CTLA4: variants seen among roughly 807,000 people sequenced by gnomAD.
The protein encoded by CTLA4 is cytotoxic T-lymphocyte protein 4.
A neutral mutation model predicts 20.4 loss-of-function variants in CTLA4; 3 were observed. The observed-to-expected ratio is 0.15, with a 90% CI of 0.07 to 0.38. The LOEUF is 0.38. CTLA4 is among the 10% of genes least tolerant of loss of function. CTLA4 has a pLI of 1.00. For missense variants in CTLA4, 184 were observed against 276.8 expected, an observed-to-expected ratio of 0.66 and a Z score of 2.38; for synonymous variants, 100 against 105.2, an observed-to-expected ratio of 0.95 and a Z score of 0.30.
At position 203,870,970 on chromosome 2, in the gene CTLA4, CA is replaced by C. The variant is rs1559591899; in HGVS notation, c.457+38del. The C allele has an allele frequency of 6.6e-7, 1 of 1,523,402 alleles. No individual in the cohort carries two copies. Among genetic ancestry groups the C allele is most frequent in the South Asian group, 1.2e-5 (1 of 86,620 alleles). 94.4% of individuals were successfully genotyped at this position (1,523,402 alleles called of 1,614,324 possible). A position where few individuals can be genotyped will look rare whatever the true frequency, so the allele number is the denominator to read the frequency against. On this transcript the variant is annotated intron_variant, in intron 2 of 3. Transcript: ENST00000648405. This position sits in a 1 kb window ranked among gnomAD's most constrained non-coding sequence, Gnocchi z 5.3. ...CATTTCACTGAGTTGACACCTGTTGCATTGCAGTCTTCTATGCACAAAAACA... is the reference window on the plus strand; with the variant it reads ...CATTTCACTGAGTTGACACCTGTTGCTTGCAGTCTTCTATGCACAAAAACA...
chr2:203,870,023 A>G lies in CTLA4; in HGVS notation c.110-563A>G, dbSNP rs188823513. Among the ~76,000 whole-genome samples the G allele has an allele frequency of 1.3e-5, 2 of 152,312 alleles. No homozygotes were observed. The highest frequency in any genetic ancestry group is 2.1e-4 in the South Asian group (1 of 4,820). On this transcript the variant is annotated intron_variant, in intron 1 of 3. Coordinates refer to ENST00000648405, the MANE Select transcript of CTLA4 (RefSeq NM_005214.5). This position sits in a 1 kb window ranked among gnomAD's most constrained non-coding sequence, Gnocchi z 5.3. ...AGGCGGAGGCTGGTACAGTGCATCAAGACACAGCTACTCCTGGGTGACAGA... is the reference window on the plus strand; with the variant it reads ...AGGCGGAGGCTGGTACAGTGCATCAGGACACAGCTACTCCTGGGTGACAGA...
Position 203,870,002 on chromosome 2 carries a change from G to A in CTLA4, c.110-584G>A, listed in dbSNP as rs1033038148. 1.3e-5 allele frequency among the ~76,000 whole-genome samples: 2 copies of A among 152,140 alleles called. No individual in the cohort carries two copies. The highest frequency in any genetic ancestry group is 2.1e-4 in the South Asian group (1 of 4,826). On this transcript the variant is annotated intron_variant, in intron 1 of 3. Coordinates refer to ENST00000648405, the MANE Select transcript of CTLA4 (RefSeq NM_005214.5). This position sits in a 1 kb window ranked among gnomAD's most constrained non-coding sequence, Gnocchi z 5.3. Reference sequence around the variant, plus strand: ...ACTCTACAACAATGCCAGGGAAGGCGGAGGCTGGTACAGTGCATCAAGACA... The same window carrying A: ...ACTCTACAACAATGCCAGGGAAGGCAGAGGCTGGTACAGTGCATCAAGACA...
chr2:203,872,204 C>T (rs1688745405), intron 3 of CTLA4, among the ~76,000 whole-genome samples: 1 of 152,170 alleles, frequency 6.6e-6, no homozygotes, highest in Non-Finnish European at 1.5e-5. Context: ...TTCTCTTCCT[C>T]TTCCTTCTTC....
At position 203,870,930 on chromosome 2, in the gene CTLA4, A is replaced by C; in HGVS notation, c.454A>C (p.Ile152Leu). Residue 152 changes from isoleucine to leucine, a missense_variant, in exon 2 of 4, where the codon ATT becomes CTT. Ile to Leu is a conservative substitution (Grantham distance 5, BLOSUM62 2). Around this residue, in one of 3 missense-constraint regions of CTLA4, gnomAD observed 147 missense variants for 223.4 expected, o/e 0.66. Transcript: ENST00000648405. This position sits in a 1 kb window ranked among gnomAD's most constrained non-coding sequence, Gnocchi z 5.3. ...GIGNGTQIYV[I>L]DPEPCPDSDF... is the part of the protein sequence containing the mutation. Reference sequence around the variant, plus strand: ...AGGCAACGGAACCCAGATTTATGTAATTGGTGAGCAAAGCCATTTCACTGA... The same window carrying C: ...AGGCAACGGAACCCAGATTTATGTACTTGGTGAGCAAAGCCATTTCACTGA... 6.2e-7 allele frequency: 1 copy of C among 1,611,228 alleles called. No homozygotes were observed. Among genetic ancestry groups the C allele is most frequent in the Non-Finnish European group, 8.5e-7 (1 of 1,177,746 alleles).
intron 1 of CTLA4, among the ~76,000 whole-genome samples, chr2:203,868,800 AC>A (rs1425796282): frequency 6.6e-6 from 1 of 152,200 alleles, no homozygotes; most frequent in African/African-American, 2.4e-5. Context: ...CAGGTTTGTT[AC>A]ACGGCTTAAA....
In CTLA4 at chr2:203,870,492, C is replaced by T. The variant is rs1287382764; in HGVS notation, c.110-94C>T. 23 of 1,366,322 alleles carry T rather than the reference C, an allele frequency of 1.7e-5. No individual in the cohort carries two copies. The highest frequency in any genetic ancestry group is 4.8e-5 in the East Asian group (2 of 41,952). The allele number at this position is 1,366,322 out of a possible 1,614,324, so 84.6% of individuals were successfully genotyped here. A position where few individuals can be genotyped will look rare whatever the true frequency, so the allele number is the denominator to read the frequency against. ...ATTCGTTGAAGGGGGGAGAAAAGGC[C>T]GTGGGGATGAAGCTAGAAGGCAGAA... On this transcript the variant is annotated intron_variant, in intron 1 of 3. Coordinates refer to ENST00000648405, the MANE Select transcript of CTLA4 (RefSeq NM_005214.5). This position sits in a 1 kb window ranked among gnomAD's most constrained non-coding sequence, Gnocchi z 5.3.
intron 3 of CTLA4, 140 bp downstream of exon 3, chr2:203,871,627 G>A (rs55806747): frequency 1.3e-4 from 90 of 690,298 alleles, no homozygotes; most frequent in East Asian, 8.6e-4. Context: ...GGTAAAGAAC[G>A]CACTAGAACC....
At chr2:203,869,885 C>T (rs1043947253) in intron 1 of CTLA4, among the ~76,000 whole-genome samples, 9 of 152,100 alleles carry the variant, frequency 5.9e-5, no homozygotes, top group Non-Finnish European at 1.0e-4. Flanking sequence ...AGGGGAAGCC[C>T]ACAGGAGTTA....
intron 1 of CTLA4, among the ~76,000 whole-genome samples, chr2:203,869,180 T>C (rs1183023853): frequency 6.6e-6 from 1 of 152,198 alleles, no homozygotes; most frequent in Admixed American, 6.5e-5. Context: ...TATTGAGTGC[T>C]CACTTGGGTG....
At position 203,867,894 on chromosome 2, in the gene CTLA4, A is replaced by G; in HGVS notation, c.-49A>G. 2 of 1,372,180 alleles carry G rather than the reference A, an allele frequency of 1.5e-6. No individual in the cohort carries two copies. The highest frequency in any genetic ancestry group is 2.1e-6 in the Non-Finnish European group (2 of 964,340). 85.0% of individuals were successfully genotyped at this position (1,372,180 alleles called of 1,614,324 possible). ...ACATTTCAAAGCTTCAGGATCCTGA[A>G]AGGTTTTGCTCTACTTCCTGAAGAC... On this transcript the variant is annotated 5_prime_UTR_variant, in exon 1 of 4. Coordinates refer to ENST00000648405, the MANE Select transcript of CTLA4 (RefSeq NM_005214.5).
At chr2:203,872,623 C>A in intron 3 of CTLA4, 85 bp from the exon 4 acceptor site, 1 of 762,636 alleles carries the variant, frequency 1.3e-6, no homozygotes. Context: ...CAGCTAGGGA[C>A]CCAATATGTG....
intron 1 of CTLA4, among the ~76,000 whole-genome samples, chr2:203,869,502 G>A (rs1188905366): frequency 6.6e-6 from 1 of 152,206 alleles, no homozygotes; most frequent in Admixed American, 6.5e-5. Context: ...CTAATATAGG[G>A]TGATTTATAA....
chr2:203,869,682 T>A (rs1197004991), intron 1 of CTLA4, among the ~76,000 whole-genome samples: 1 of 152,222 alleles, frequency 6.6e-6, no homozygotes, highest in Non-Finnish European at 1.5e-5. Context: ...TGAGTTTCAC[T>A]TGTCAGACTG....
chr2:203,872,941 G>A lies in CTLA4; in HGVS notation c.*129G>A. 1 of 654,018 alleles carries A rather than the reference G, an allele frequency of 1.5e-6. No homozygotes were observed. The highest frequency in any genetic ancestry group is 2.7e-6 in the Non-Finnish European group (1 of 373,468). 40.5% of individuals were successfully genotyped at this position (654,018 alleles called of 1,614,324 possible). On this transcript the variant is annotated 3_prime_UTR_variant, in exon 4 of 4. Coordinates refer to ENST00000648405, the MANE Select transcript of CTLA4 (RefSeq NM_005214.5). The stretch of plus-strand genomic sequence containing the variant: ...GGAATTCATCTCTCTTTAATATAAA[G>A]TTGGATGCGGAACCCAAATTACGTG...
intron 1 of CTLA4, among the ~76,000 whole-genome samples, chr2:203,868,631 T>C (rs1256426012): frequency 6.6e-6 from 1 of 152,024 alleles, no homozygotes; most frequent in Non-Finnish European, 1.5e-5. Context: ...TAGCCAATTA[T>C]TTAAAAATAA....
At position 203,870,577 on chromosome 2, in the gene CTLA4, C is replaced by T; in HGVS notation, c.110-9C>T. ...GTTCACTGAGTTCCCTTTGGCTTTT[C>T]CATGCTAGCAATGCACGTGGCCCAG... On this transcript the variant is annotated splice_polypyrimidine_tract_variant and intron_variant, in intron 1 of 3. Transcript: ENST00000648405. This position sits in a 1 kb window ranked among gnomAD's most constrained non-coding sequence, Gnocchi z 5.3. 3 of 1,610,908 alleles carry T rather than the reference C, an allele frequency of 1.9e-6. No individual in the cohort carries two copies. Among genetic ancestry groups the T allele is most frequent in the Non-Finnish European group, 2.5e-6 (3 of 1,177,578 alleles).
chr2:203,872,937 T>G lies in CTLA4; in HGVS notation c.*125T>G. 1 of 670,628 alleles carries G rather than the reference T, an allele frequency of 1.5e-6. No homozygotes were observed. The highest frequency in any genetic ancestry group is 2.6e-6 in the Non-Finnish European group (1 of 384,776). The allele number at this position is 670,628 out of a possible 1,614,324, so 41.5% of individuals were successfully genotyped here. A position where few individuals can be genotyped will look rare whatever the true frequency, so the allele number is the denominator to read the frequency against. On this transcript the variant is annotated 3_prime_UTR_variant, in exon 4 of 4. Transcript: ENST00000648405. ...GGGGGGAATTCATCTCTCTTTAATA[T>G]AAAGTTGGATGCGGAACCCAAATTA...
In CTLA4 at chr2:203,873,854, G is replaced by C. The variant is rs55696217; in HGVS notation, c.*1042G>C. ...AGGTGGCAGAATGGGGTGCATGAAGGTTTCTGAAAATTAACACTGCTTGTG... is the reference window on the plus strand; with the variant it reads ...AGGTGGCAGAATGGGGTGCATGAAGCTTTCTGAAAATTAACACTGCTTGTG... On this transcript the variant is annotated 3_prime_UTR_variant, in exon 4 of 4. Coordinates refer to ENST00000648405, the MANE Select transcript of CTLA4 (RefSeq NM_005214.5). 8.7e-6 allele frequency: 2 copies of C among 230,756 alleles called. No individual in the cohort carries two copies. The highest frequency in any genetic ancestry group is 2.2e-5 in the African/African-American group (1 of 45,108). The allele number at this position is 230,756 out of a possible 1,614,324, so 14.3% of individuals were successfully genotyped here.
chr2:203,873,080 A>G lies in CTLA4; in HGVS notation c.*268A>G, dbSNP rs56083753. ...ATTAATATGGGGATGCAGCATTATG[A>G]TGTGGGTCAAGGAATTAAGTTAGGG... On this transcript the variant is annotated 3_prime_UTR_variant, in exon 4 of 4. Coordinates refer to ENST00000648405, the MANE Select transcript of CTLA4 (RefSeq NM_005214.5). The G allele has an allele frequency of 8.3e-4, 464 of 561,860 alleles. 2 individuals carry two copies. The East Asian group carries it at 9.0e-3, about 11-fold the overall frequency. 34.8% of individuals were successfully genotyped at this position (561,860 alleles called of 1,614,324 possible).
Sources: gnomAD v4.1 joint callset for allele counts (sites outside exome capture counted in the v4.1 genomes callset) on GRCh38, gnomAD v4.1.1 for gene constraint, gnomAD v4.1.1 regional missense constraint, Gnocchi (gnomAD v3.1) non-coding constraint, MANE v1.5 for transcripts, NCBI Gene and HGNC (gene_info 2026-07-23, HGNC 2026-07-21) for gene names.